The following GPC5 variants were observed in gnomAD, a reference collection of about 807,000 sequenced individuals.
The protein encoded by GPC5 is glypican-5.
Under a neutral mutation model 53.9 loss-of-function variants are expected in GPC5, and 47 were observed. The observed-to-expected ratio is 0.87, with a 90% CI of 0.69 to 1.11. GPC5 has a LOEUF of 1.11. Among genes scored for constraint, GPC5 ranks in the 50% most tolerant of loss-of-function variants. The pLI is 0.00. For synonymous variants in GPC5, 286 were observed against 263.3 expected (o/e 1.09, Z -0.84); for missense variants, 748 against 713.1 (o/e 1.05, Z -0.56).
In GPC5 at chr13:91,933,812, C is replaced by T. The variant is rs115022820; in HGVS notation, c.1401+25755C>T. On this transcript the variant is annotated intron_variant, in intron 6 of 7. Coordinates refer to ENST00000377067, the MANE Select transcript of GPC5 (RefSeq NM_004466.6). The stretch of plus-strand genomic sequence containing the variant: ...TTCTCTGAAGACTGACACTGTGTAT[C>T]ATTTGATGTATAACTACCATGATAA... Among the ~76,000 whole-genome samples the T allele has an allele frequency of 4.9e-3, 744 of 152,042 alleles. 7 individuals carry two copies. Among genetic ancestry groups the T allele is most frequent in the African/African-American group, 0.017 (686 of 41,532 alleles).
At chr13:92,111,939 C>T (rs1321584125) in intron 6 of GPC5, among the ~76,000 whole-genome samples, 1 of 151,908 alleles carries the variant, frequency 6.6e-6, no homozygotes, top group Admixed American at 6.6e-5. Context: ...TTTTTAAAAC[C>T]ATAGTAGATA....
At chr13:92,862,378 A>C (rs1239469965) in intron 7 of GPC5, among the ~76,000 whole-genome samples, 2 of 152,132 alleles carry the variant, frequency 1.3e-5, no homozygotes, top group African/African-American at 4.8e-5. Flanking sequence ...CTACCTTAAA[A>C]ATGGATATTT....
At chr13:92,722,001 C>T (rs1473405856) in intron 7 of GPC5, among the ~76,000 whole-genome samples, 1 of 151,942 alleles carries the variant, frequency 6.6e-6, no homozygotes, top group Non-Finnish European at 1.5e-5. Context: ...AACTGGCACC[C>T]TATTGTCTTT....
intron 5 of GPC5, among the ~76,000 whole-genome samples, chr13:91,763,908 A>C (rs1053146360): frequency 6.6e-6 from 1 of 152,234 alleles, no homozygotes. Flanking sequence ...ATTTGCGTAT[A>C]ACCGATGCAC....
chr13:92,764,951 T>C (rs1875335896), intron 7 of GPC5, among the ~76,000 whole-genome samples: 2 of 152,178 alleles, frequency 1.3e-5, no homozygotes, highest in Non-Finnish European at 2.9e-5. Flanking sequence ...GAATTTAATA[T>C]GTCAAGACTC....
chr13:91,649,527 G>T lies in GPC5; in HGVS notation c.326-43660G>T, dbSNP rs559404882. ...TGATATTACTTAGAGATCACTAACT[G>T]CCATGAAATTAATCAATTCTCAGTG... On this transcript the variant is annotated intron_variant, in intron 2 of 7. Transcript: ENST00000377067. 3.9e-5 allele frequency among the ~76,000 whole-genome samples: 6 copies of T among 152,262 alleles called. No individual in the cohort carries two copies. In the South Asian group the frequency reaches 1.0e-3, roughly 26 times the overall value.
At chr13:91,778,736 A>G (rs1263238263) in intron 5 of GPC5, among the ~76,000 whole-genome samples, 1 of 152,182 alleles carries the variant, frequency 6.6e-6, no homozygotes, top group Admixed American at 6.5e-5. Flanking sequence ...ATTCTCAATC[A>G]TCACGTAACT....
intron 7 of GPC5, among the ~76,000 whole-genome samples, chr13:92,407,692 GA>G (rs1159664671): frequency 6.6e-6 from 1 of 151,952 alleles, no homozygotes; most frequent in African/African-American, 2.4e-5. Flanking sequence ...TCTGCATTTG[GA>G]AAATGCAAAT....
intron 7 of GPC5, among the ~76,000 whole-genome samples, chr13:92,148,832 T>C (rs1440351451): frequency 6.6e-6 from 1 of 152,114 alleles, no homozygotes; most frequent in Non-Finnish European, 1.5e-5. Flanking sequence ...TCTTGAAATA[T>C]CTGACTATAC....
chr13:92,824,291 C>T (rs1177051384), intron 7 of GPC5, among the ~76,000 whole-genome samples: 2 of 152,126 alleles, frequency 1.3e-5, no homozygotes, highest in Non-Finnish European at 2.9e-5. Context: ...TCTCACTGCT[C>T]AGCAGACGAC....
intron 2 of GPC5, among the ~76,000 whole-genome samples, chr13:91,583,307 G>A: frequency 6.6e-6 from 1 of 152,140 alleles, no homozygotes; most frequent in Non-Finnish European, 1.5e-5. Context: ...ATTCCATGAT[G>A]TATATTTGAA....
intron 3 of GPC5, among the ~76,000 whole-genome samples, chr13:91,719,268 T>C (rs2139954862): frequency 6.6e-6 from 1 of 152,376 alleles, no homozygotes; most frequent in African/African-American, 2.4e-5. Context: ...AGTCTTGGCC[T>C]GCCTCCACAG....
At chr13:91,770,598 G>C (rs1286222309) in intron 5 of GPC5, among the ~76,000 whole-genome samples, 2 of 152,082 alleles carry the variant, frequency 1.3e-5, no homozygotes, top group Non-Finnish European at 2.9e-5. Flanking sequence ...AAAGGTCTTA[G>C]ACACTATGTG....
chr13:91,454,872 A>C (rs896521379), intron 2 of GPC5, among the ~76,000 whole-genome samples: 1 of 151,928 alleles, frequency 6.6e-6, no homozygotes, highest in Non-Finnish European at 1.5e-5. Flanking sequence ...TAATCCTCCA[A>C]CCTCAGCCTC....
At chr13:91,439,504 C>T (rs554378481) in intron 1 of GPC5, among the ~76,000 whole-genome samples, 4 of 152,320 alleles carry the variant, frequency 2.6e-5, no homozygotes, top group African/African-American at 9.6e-5. Context: ...GCATCTTTTT[C>T]CTGAGCTCCA....
intron 6 of GPC5, among the ~76,000 whole-genome samples, chr13:92,132,028 G>T (rs1009823271): frequency 5.3e-5 from 8 of 152,058 alleles, no homozygotes; most frequent in African/African-American, 1.9e-4. Context: ...TCCACCAAGG[G>T]CAGAATGTAA....
intron 7 of GPC5, among the ~76,000 whole-genome samples, chr13:92,458,361 C>T (rs942441031): frequency 4.0e-5 from 6 of 151,884 alleles, no homozygotes; most frequent in East Asian, 3.9e-4. Context: ...TGCAGTGGCG[C>T]GATCTTGACT....
intron 6 of GPC5, among the ~76,000 whole-genome samples, chr13:92,106,376 C>G (rs2041510039): frequency 6.6e-6 from 1 of 151,946 alleles, no homozygotes; most frequent in South Asian, 2.1e-4. Flanking sequence ...CTCATTTGAG[C>G]TACATGTATG....
intron 6 of GPC5, among the ~76,000 whole-genome samples, chr13:91,942,673 G>C (rs2039938745): frequency 7.8e-6 from 1 of 128,406 alleles, no homozygotes; most frequent in African/African-American, 3.0e-5. Context: ...TATAGATATA[G>C]ATATACTACT....
Sources: allele counts gnomAD v4.1 joint callset (sites outside exome capture counted in the v4.1 genomes callset), GRCh38; gene constraint gnomAD v4.1.1; transcripts MANE v1.5; gene names NCBI Gene and HGNC (gene_info 2026-07-23, HGNC 2026-07-21).